The following ZNF888 variants were observed in gnomAD, a reference collection of about 807,000 sequenced individuals.
ZNF888 encodes the protein zinc finger protein 888, also known as CTD-2331H12.6.
ZNF888 carries 5 observed loss-of-function variants against 7.2 expected under a neutral mutation model. The observed-to-expected ratio is 0.70, with a 90% CI of 0.36 to 1.46. The LOEUF (loss-of-function observed/expected upper bound fraction) is 1.46, where lower values mean the gene tolerates loss of function less well. Ranked by LOEUF, ZNF888 falls within the 40% of genes most tolerant of loss-of-function variation. The probability of loss-of-function intolerance (pLI) is 0.03; values close to 1 mark genes in which losing one functional copy is unlikely to be tolerated. For synonymous variants in ZNF888, 240 were observed against 284.3 expected, an observed-to-expected ratio of 0.84 and a Z score of 1.57; for missense variants, 716 against 858.0, an observed-to-expected ratio of 0.83 and a Z score of 2.07.
intron 3 of ZNF888, among the ~76,000 whole-genome samples, chr19:52,916,680 G>C (rs10420054): frequency 0.27 from 39,828 of 148,714 alleles, 6,633 homozygotes; most frequent in African/African-American, 0.43. Context: ...TTTTGTTTAA[G>C]TGAAGAGGAA....
intron 3 of ZNF888, among the ~76,000 whole-genome samples, chr19:52,915,930 A>G (rs2064741129): frequency 6.6e-6 from 1 of 152,294 alleles, no homozygotes; most frequent in Middle Eastern, 3.2e-3. Context: ...ACCAAGTGAC[A>G]TTCAGTATCT....
chr19:52,915,807 G>A lies in ZNF888; in HGVS notation c.16-485C>T, dbSNP rs59168654. 1.0e-3 allele frequency among the ~76,000 whole-genome samples: 156 copies of A among 152,276 alleles called. No individual in the cohort carries two copies. The East Asian group carries it at 0.012, about 11-fold the overall frequency. ...ACGTCTTTATTATACTTTTTGAAGA[G>A]GTCAAGACACCCTGTCAGTATGAAT... On this transcript the variant is annotated intron_variant, in intron 3 of 4. Transcript: ENST00000638862.
At position 52,913,392 on chromosome 19, in the gene ZNF888, C is replaced by G. The variant is rs8108879; in HGVS notation, c.142+1804G>C. ...CAGCCTGGAGTGCAATGGTGCGATC[C>G]TGGCTCACTGCAACATCCACCTCCC... On this transcript the variant is annotated intron_variant, in intron 4 of 4. Transcript: ENST00000638862. Among the ~76,000 whole-genome samples, 594 of 145,858 alleles carry G rather than the reference C, an allele frequency of 4.1e-3. 5 individuals are homozygous for G. The highest frequency in any genetic ancestry group is 0.014 in the African/African-American group (565 of 39,108).
In ZNF888 at chr19:52,905,444, T is replaced by TAA. The variant is rs35926269; in HGVS notation, c.*719_*720dup. The TAA allele has an allele frequency of 0.21, 31,744 of 151,158 alleles. 3,748 individuals carry two copies. The highest frequency in any genetic ancestry group is 0.34 in the Admixed American group (5,168 of 15,324). 9.4% of individuals were successfully genotyped at this position (151,158 alleles called of 1,614,324 possible). A position where few individuals can be genotyped will look rare whatever the true frequency, so the allele number is the denominator to read the frequency against. Reference sequence around the variant, plus strand: ...CTCAGCTTGCCTGCACCCAGGTGATTAAAAAAAAAAAAAATCTGTATCTGT... The same window carrying TAA: ...CTCAGCTTGCCTGCACCCAGGTGATTAAAAAAAAAAAAAAAATCTGTATCTGT... On this transcript the variant is annotated 3_prime_UTR_variant, in exon 5 of 5. Transcript: ENST00000638862.
intron 3 of ZNF888, chr19:52,917,329 C>T: frequency 4.4e-6 from 1 of 227,174 alleles, no homozygotes; most frequent in South Asian, 6.7e-5. Context: ...TGCAGGCACA[C>T]ACCACCATGC....
At position 52,907,810 on chromosome 19, in the gene ZNF888, G is replaced by A. The variant is rs1008601008; in HGVS notation, c.512C>T (p.Ser171Phe). The change falls in exon 5 of 5, where the codon TCC (serine) becomes TTC (phenylalanine). Residue 171 changes from serine to phenylalanine, a missense_variant. Around this residue, in one of 2 missense-constraint regions of ZNF888, gnomAD observed 697 missense variants for 803.4 expected, o/e 0.87. Transcript: ENST00000638862. ...AATTCTTTGGGATGTTGAAACTGAG[G>A]AAGCATTGTTGATAGACTTCTCAAG... ...NQLEKSINNA[S>F]SVSTSQRISC... is the part of the protein sequence containing the mutation. The A allele has an allele frequency of 4.3e-6, 7 of 1,614,022 alleles. No individual in the cohort carries two copies. Among genetic ancestry groups the A allele is most frequent in the Non-Finnish European group, 5.1e-6 (6 of 1,180,028 alleles).
chr19:52,920,208 G>A (rs2064808905), intron 1 of ZNF888, among the ~76,000 whole-genome samples: 1 of 63,588 alleles, frequency 1.6e-5, no homozygotes, highest in African/African-American at 5.3e-5. Context: ...GCTCATTGGG[G>A]ATGGGCCATG....
At chr19:52,916,725 G>A (rs1346898815) in intron 3 of ZNF888, among the ~76,000 whole-genome samples, 2 of 151,490 alleles carry the variant, frequency 1.3e-5, no homozygotes, top group Non-Finnish European at 2.9e-5. Flanking sequence ...ATTGACAACT[G>A]GGGGCTGGGG....
chr19:52,912,506 A>C (rs532226720), intron 4 of ZNF888, among the ~76,000 whole-genome samples: 78 of 147,388 alleles, frequency 5.3e-4, no homozygotes, highest in Non-Finnish European at 1.0e-3. Context: ...TGGGAGGATC[A>C]CGTGGTCAGG....
chr19:52,913,987 T>C (rs574563707), intron 4 of ZNF888, among the ~76,000 whole-genome samples: 1 of 152,252 alleles, frequency 6.6e-6, no homozygotes, highest in East Asian at 1.9e-4. Flanking sequence ...TAGTTGGGCA[T>C]GGTGGTGAGA....
intron 4 of ZNF888, chr19:52,914,230 G>A (rs10425116): frequency 0.026 from 10,983 of 423,236 alleles, 862 homozygotes; most frequent in African/African-American, 0.22. Flanking sequence ...CACTTGCAGA[G>A]AGTTTCCCCA....
At chr19:52,920,514 A>C (rs2064813047) in intron 1 of ZNF888, among the ~76,000 whole-genome samples, 1 of 42,694 alleles carries the variant, frequency 2.3e-5, no homozygotes, top group Non-Finnish European at 4.9e-5. Context: ...AAAAAAAAAA[A>C]AAGAAAAAAA....
chr19:52,921,916 C>G (rs934945199), intron 1 of ZNF888, among the ~76,000 whole-genome samples: 1 of 151,738 alleles, frequency 6.6e-6, no homozygotes, highest in Non-Finnish European at 1.5e-5. Context: ...GCAACAAGAG[C>G]AAAACTGCAT....
intron 4 of ZNF888, among the ~76,000 whole-genome samples, chr19:52,912,768 A>G (rs1050310769): frequency 1.9e-4 from 29 of 151,952 alleles, no homozygotes; most frequent in African/African-American, 6.5e-4. Flanking sequence ...CTAAAGAGTA[A>G]CTCCAACCCA....
chr19:52,905,932 C>T lies in ZNF888; in HGVS notation c.*233G>A. On this transcript the variant is annotated 3_prime_UTR_variant, in exon 5 of 5. Transcript: ENST00000638862. ...TCATCACACTTGTGAGGTTTCTCTC[C>T]TGTATGAATTCTCCTGTTTTGCATA... The T allele has an allele frequency of 1.2e-6, 1 of 813,890 alleles. No individual in the cohort carries two copies. Among genetic ancestry groups the T allele is most frequent in the African/African-American group, 1.6e-5 (1 of 62,226 alleles). 50.4% of individuals were successfully genotyped at this position (813,890 alleles called of 1,614,324 possible).
Position 52,906,629 on chromosome 19 carries a change from G to A in ZNF888, c.1693C>T (p.Leu565Phe). Residue 565 changes from leucine to phenylalanine, a missense_variant, in exon 5 of 5, where the codon CTT becomes TTT. By Grantham distance (22) the Leu-to-Phe change is conservative. This residue lies in a region of ZNF888 where 697 missense variants were observed against 803.4 expected (regional missense o/e 0.87). Coordinates refer to ENST00000638862, the MANE Select transcript of ZNF888 (RefSeq NM_001393938.1). ...GTATGAAGTCTATGATGATATGCAA[G>A]GCTTGATTTGTGATTAAAACTTTTG... ...CGKSFNHKSS[L>F]AYHHRLHTGE... is the part of the protein sequence containing the mutation. 1 of 1,613,746 alleles carries A rather than the reference G, an allele frequency of 6.2e-7. No individual in the cohort carries two copies. Among genetic ancestry groups the A allele is most frequent in the Non-Finnish European group, 8.5e-7 (1 of 1,179,770 alleles).
At chr19:52,916,842 G>A (rs550484301) in intron 3 of ZNF888, among the ~76,000 whole-genome samples, 74 of 151,656 alleles carry the variant, frequency 4.9e-4, no homozygotes, top group Non-Finnish European at 9.9e-4. Context: ...AACCCGGGAG[G>A]CAAAGTTTGC....
In ZNF888 at chr19:52,915,232, C is replaced by G. The variant is rs766052717; in HGVS notation, c.106G>C (p.Val36Leu). 1 of 1,609,766 alleles carries G rather than the reference C, an allele frequency of 6.2e-7. No individual in the cohort carries two copies. Among genetic ancestry groups the G allele is most frequent in the Admixed American group, 1.7e-5 (1 of 58,288 alleles). The change falls in exon 4 of 5, where the codon GTG (valine) becomes CTG (leucine). Residue 36 changes from valine (V) to leucine (L), a missense_variant. Physicochemically the swap from Val to Leu is conservative, Grantham distance 32. This residue lies in a region of ZNF888 where 19 missense variants were observed against 54.7 expected (regional missense o/e 0.35). Transcript: ENST00000638862. The part of the protein sequence containing the change: ...DPAQRTLYRD[V>L]MLENYRNLVS... ...AGGTTCCTATAATTCTCCAGCATCACGTCTCTGTATAGAGTCCTCTGAGCA... is the reference window on the plus strand; with the variant it reads ...AGGTTCCTATAATTCTCCAGCATCAGGTCTCTGTATAGAGTCCTCTGAGCA...
Position 52,906,765 on chromosome 19 carries a change from C to T in ZNF888, c.1557G>A (p.Glu519=), listed in dbSNP as rs1247393857. Residue 519 remains glutamate (E), a synonymous_variant, in exon 5 of 5, where the codon GAG becomes GAA. Coordinates refer to ENST00000638862, the MANE Select transcript of ZNF888 (RefSeq NM_001393938.1). ...CACACTCATTACACTTGTAAGGTTT[C>T]TCTCCAGTGTGAATTACAGTATGTT... The part of the protein sequence containing the change: ...LAQHTVIHTG[E]KPYKCNECGK... 7.4e-6 allele frequency: 12 copies of T among 1,613,744 alleles called. No individual in the cohort carries two copies.
Sources: allele counts gnomAD v4.1 joint callset (sites outside exome capture counted in the v4.1 genomes callset), GRCh38; gene constraint gnomAD v4.1.1; regional missense constraint gnomAD v4.1.1; transcripts MANE v1.5; gene names NCBI Gene and HGNC (gene_info 2026-07-23, HGNC 2026-07-21).